The following VPS53 variants were observed in gnomAD, a reference collection of about 807,000 sequenced individuals.
VPS53 encodes the protein vacuolar protein sorting-associated protein 53 homolog.
In VPS53, 70 loss-of-function variants were observed where a neutral mutation model predicts 107.0. The observed-to-expected ratio is 0.65, with a 90% CI of 0.54 to 0.80. The LOEUF (loss-of-function observed/expected upper bound fraction) is 0.80, where lower values mean the gene tolerates loss of function less well. VPS53 is among the 30% of genes least tolerant of loss of function. The pLI, the probability that VPS53 is intolerant of heterozygous loss-of-function variation, is 0.00. For missense variants in VPS53, 917 were observed against 1,049.4 expected, an observed-to-expected ratio of 0.87 and a Z score of 1.74; for synonymous variants, 409 against 393.3, an observed-to-expected ratio of 1.04 and a Z score of -0.47.
chr17:584,841 A>G (rs967868399), intron 13 of VPS53, among the ~76,000 whole-genome samples: 4 of 152,344 alleles, frequency 2.6e-5, no homozygotes, highest in East Asian at 1.9e-4. Context: ...AAAAGCATAT[A>G]CTGTATTATA....
At chr17:709,279 A>C (rs766984145) in intron 2 of VPS53, among the ~76,000 whole-genome samples, 6 of 151,362 alleles carry the variant, frequency 4.0e-5, no homozygotes, top group Non-Finnish European at 8.8e-5. Context: ...GATCATCTCT[A>C]GTGTATTTGT....
intron 17 of VPS53, among the ~76,000 whole-genome samples, chr17:545,249 C>T (rs1287997312): frequency 2.6e-5 from 4 of 152,302 alleles, no homozygotes; most frequent in African/African-American, 9.6e-5. Flanking sequence ...CAGAAGGCTG[C>T]ACCTGCATGT....
intron 18 of VPS53, among the ~76,000 whole-genome samples, chr17:534,261 G>A (rs769865928): frequency 2.6e-5 from 4 of 152,216 alleles, no homozygotes; most frequent in Non-Finnish European, 4.4e-5. Flanking sequence ...CTTGATTGAA[G>A]GGAGGAGGAT....
intron 13 of VPS53, among the ~76,000 whole-genome samples, chr17:567,100 C>A (rs1913600486): frequency 6.6e-6 from 1 of 152,160 alleles, no homozygotes; most frequent in African/African-American, 2.4e-5. Context: ...TGATGTGATT[C>A]TATTTTCATC....
At chr17:568,465 T>G (rs1204820148) in intron 13 of VPS53, among the ~76,000 whole-genome samples, 1 of 152,064 alleles carries the variant, frequency 6.6e-6, no homozygotes, top group African/African-American at 2.4e-5. Flanking sequence ...CAGGCTGGTC[T>G]CGAACTCCTG....
At position 655,691 on chromosome 17, in the gene VPS53, A is replaced by T. The variant is rs1597445071; in HGVS notation, c.488+147T>A. The T allele has an allele frequency of 4.4e-6, 3 of 686,552 alleles. No individual in the cohort carries two copies. The East Asian group carries it at 8.5e-5, about 20-fold the overall frequency. The allele number at this position is 686,552 out of a possible 1,614,324, so 42.5% of individuals were successfully genotyped here. A position where few individuals can be genotyped will look rare whatever the true frequency, so the allele number is the denominator to read the frequency against. On this transcript the variant is annotated intron_variant, in intron 6 of 21. Transcript: ENST00000437048. ...GAACACCAGAGGGCACAAAGCAAAA[A>T]TGGTGACTGAACACTTGAAGCCAAT...
intron 19 of VPS53, among the ~76,000 whole-genome samples, chr17:529,400 A>T (rs1292875005): frequency 9.6e-6 from 1 of 104,244 alleles, no homozygotes; most frequent in African/African-American, 7.8e-5. Context: ...ACACACACTC[A>T]CACACACACA....
At chr17:681,610 T>C (rs182617286) in intron 4 of VPS53, among the ~76,000 whole-genome samples, 159 of 152,302 alleles carry the variant, frequency 1.0e-3, no homozygotes, top group Non-Finnish European at 1.7e-3. Flanking sequence ...TAGATATATG[T>C]AGTTAGAAAA....
chr17:578,879 T>C (rs780664849), intron 13 of VPS53, among the ~76,000 whole-genome samples: 4 of 147,990 alleles, frequency 2.7e-5, no homozygotes, highest in Non-Finnish European at 6.0e-5. Context: ...CAGAACCTAA[T>C]GCGTTCCCAG....
Position 661,879 on chromosome 17 carries a change from T to TGA in VPS53, c.300_301dup (p.Gln101LeufsTer26), listed in dbSNP as rs1447478732. 2.6e-5 allele frequency: 41 copies of TGA among 1,552,200 alleles called. No individual in the cohort carries two copies. Among genetic ancestry groups the TGA allele is most frequent in the Non-Finnish European group, 3.5e-5 (40 of 1,147,130 alleles). ...GCCAAAGAGTTGTTGGATAGCTTTC[T>TGA]GAGCCTCTTCAAGCGCCTAGAGTAA... On this transcript the variant is annotated frameshift_variant, in exon 5 of 22. Coordinates refer to ENST00000437048, the MANE Select transcript of VPS53 (RefSeq NM_001128159.3). LOFTEE classifies it high-confidence loss of function.
chr17:604,452 G>A (rs2143009459), intron 11 of VPS53, among the ~76,000 whole-genome samples: 1 of 152,326 alleles, frequency 6.6e-6, no homozygotes. Context: ...GGAGGAAGAA[G>A]TCGAACCTAA....
At chr17:583,876 T>C (rs1967180201) in intron 13 of VPS53, among the ~76,000 whole-genome samples, 2 of 151,404 alleles carry the variant, frequency 1.3e-5, no homozygotes, top group Admixed American at 1.3e-4. Flanking sequence ...CCTCAATGCG[T>C]TCCCAGAGAA....
rs1288234462 is a variant in VPS53, at chr17:553,607, G to C, written c.1705-145C>G. 11 of 651,436 alleles carry C rather than the reference G, an allele frequency of 1.7e-5. No individual in the cohort carries two copies. The South Asian group carries it at 2.1e-4, about 13-fold the overall frequency. 40.4% of individuals were successfully genotyped at this position (651,436 alleles called of 1,614,324 possible). On this transcript the variant is annotated intron_variant, in intron 15 of 21. Transcript: ENST00000437048. ...TTTTTTTTTTTTGAGACTCGCTCTT[G>C]TTGCCTAGGCTGGAGTGCAGTGGTG...
intron 2 of VPS53, among the ~76,000 whole-genome samples, chr17:701,272 G>A: frequency 6.6e-6 from 1 of 151,906 alleles, no homozygotes; most frequent in East Asian, 1.9e-4. Flanking sequence ...GCTGCAGTAA[G>A]TCATGTTTGC....
rs1317482767 is a variant in VPS53, at chr17:657,346, G to A, written c.373-1393C>T. 1.4e-4 allele frequency: 110 copies of A among 762,858 alleles called. 3 individuals are homozygous for A. Among genetic ancestry groups the A allele is most frequent in the South Asian group, 1.3e-3 (85 of 66,446 alleles). 47.3% of individuals were successfully genotyped at this position (762,858 alleles called of 1,614,324 possible). On this transcript the variant is annotated intron_variant, in intron 5 of 21. Transcript: ENST00000437048. The stretch of plus-strand genomic sequence containing the variant: ...CCAGCAGGGTATGTTATATCAGTTC[G>A]GACCGTGCCATCGATCTTAATGAAC...
At position 551,794 on chromosome 17, in the gene VPS53, A is replaced by G. The variant is rs1301815408; in HGVS notation, c.1866+78T>C. The G allele has an allele frequency of 3.9e-6, 5 of 1,267,194 alleles. No homozygotes were observed. In the South Asian group the frequency reaches 6.0e-5, roughly 15 times the overall value. 78.5% of individuals were successfully genotyped at this position (1,267,194 alleles called of 1,614,324 possible). A position where few individuals can be genotyped will look rare whatever the true frequency, so the allele number is the denominator to read the frequency against. On this transcript the variant is annotated intron_variant, in intron 17 of 21. Transcript: ENST00000437048. ...CTTTACGCTCCGATGAGCCTGGAGA[A>G]GCTACAGACAAGGGCCAGTAGAAGC...
intron 15 of VPS53, among the ~76,000 whole-genome samples, chr17:557,484 T>C (rs777646097): frequency 6.6e-6 from 1 of 152,204 alleles, no homozygotes; most frequent in Non-Finnish European, 1.5e-5. Context: ...CAACCCACTA[T>C]ATCTCCCTGG....
At chr17:544,026 G>T (rs56227619) in intron 17 of VPS53, among the ~76,000 whole-genome samples, 1 of 108,652 alleles carries the variant, frequency 9.2e-6, no homozygotes, top group African/African-American at 7.5e-5. Flanking sequence ...AGGAAGGCAG[G>T]GAGGGAGGGA....
intron 5 of VPS53, among the ~76,000 whole-genome samples, chr17:661,066 C>T (rs1280281504): frequency 6.6e-6 from 1 of 152,020 alleles, no homozygotes; most frequent in Non-Finnish European, 1.5e-5. Context: ...GGACATCCCT[C>T]CTCCCTCCAT....
Sources: allele counts gnomAD v4.1 joint callset (sites outside exome capture counted in the v4.1 genomes callset), GRCh38; gene constraint gnomAD v4.1.1; transcripts MANE v1.5; gene names NCBI Gene and HGNC (gene_info 2026-07-23, HGNC 2026-07-21).